The following PPP4R1 variants were observed in gnomAD, a reference collection of about 807,000 sequenced individuals.
PPP4R1 encodes the protein protein phosphatase 4 regulatory subunit 1.
Under a neutral mutation model 111.2 loss-of-function variants are expected in PPP4R1, and 42 were observed. The observed-to-expected ratio is 0.38, with a 90% CI of 0.29 to 0.49. PPP4R1 has a LOEUF of 0.49. PPP4R1 is among the 20% of genes least tolerant of loss of function. The probability of loss-of-function intolerance (pLI) is 0.97; values close to 1 mark genes in which losing one functional copy is unlikely to be tolerated. For synonymous variants in PPP4R1, 409 were observed against 405.5 expected (o/e 1.01, Z -0.10); for missense variants, 1,012 against 1,161.6 (o/e 0.87, Z 1.87).
intron 12 of PPP4R1, chr18:9,563,088 G>A: frequency 9.2e-7 from 1 of 1,086,988 alleles, no homozygotes; most frequent in Non-Finnish European, 1.1e-6. Context: ...CTTGATAAAG[G>A]GCTTTGTTTC....
chr18:9,557,329 A>G lies in PPP4R1; in HGVS notation c.2082T>C (p.Leu694=). 1.2e-6 allele frequency: 2 copies of G among 1,611,266 alleles called. No individual in the cohort carries two copies. Among genetic ancestry groups the G allele is most frequent in the South Asian group, 1.1e-5 (1 of 90,022 alleles). ...AFSIHELAVI[L]GDQLTAADLV... ...GATCTGCAGCTGTCAATTGATCTCCAAGAATAACTGCAAGCTCGTGGATGG... is the reference window on the plus strand; with the variant it reads ...GATCTGCAGCTGTCAATTGATCTCCGAGAATAACTGCAAGCTCGTGGATGG... The change falls in exon 15 of 20, where the codon CTT becomes CTC. Residue 694 remains leucine, a synonymous_variant. Coordinates refer to ENST00000400556, the MANE Select transcript of PPP4R1 (RefSeq NM_001042388.3).
chr18:9,592,111 A>T (rs1001793121), intron 4 of PPP4R1, among the ~76,000 whole-genome samples: 2 of 152,140 alleles, frequency 1.3e-5, no homozygotes, highest in Admixed American at 1.3e-4. Context: ...TCTTCCAATC[A>T]AGTCTTCTTG....
chr18:9,569,906 T>C (rs965210275), intron 11 of PPP4R1, among the ~76,000 whole-genome samples: 2 of 152,176 alleles, frequency 1.3e-5, no homozygotes, highest in South Asian at 2.1e-4. Flanking sequence ...TGTGCCACCA[T>C]GCCCGGCTAA....
rs752446269 is a variant in PPP4R1 at position 9,563,334 on chromosome 18, T to C, written c.1746+44A>G. 5.9e-6 allele frequency: 9 copies of C among 1,524,084 alleles called. No homozygotes were observed. In the Admixed American group the frequency reaches 1.7e-4, roughly 29 times the overall value. The allele number at this position is 1,524,084 out of a possible 1,614,324, so 94.4% of individuals were successfully genotyped here. A position where few individuals can be genotyped will look rare whatever the true frequency, so the allele number is the denominator to read the frequency against. On this transcript the variant is annotated intron_variant, in intron 12 of 19. Transcript: ENST00000400556. ...CTATTCCCCAATGAAAGACTTCTGA[T>C]TCAAACTACTCTCATTTGGTAAACA... is the stretch of plus-strand genomic sequence containing the variant.
At chr18:9,571,606 T>TG (rs764297114) in intron 10 of PPP4R1, among the ~76,000 whole-genome samples, 10 of 151,830 alleles carry the variant, frequency 6.6e-5, no homozygotes, top group Non-Finnish European at 1.3e-4. Context: ...CAGGAGGAGA[T>TG]GGGAGTGAAG....
intron 15 of PPP4R1, among the ~76,000 whole-genome samples, chr18:9,554,230 C>T (rs993788895): frequency 4.6e-5 from 7 of 151,360 alleles, no homozygotes; most frequent in South Asian, 2.1e-4. Context: ...CAGGTTCAAG[C>T]GATTCTCCTG....
Position 9,563,440 on chromosome 18 carries a change from C to T in PPP4R1, c.1684G>A (p.Glu562Lys). The change falls in exon 12 of 20, where the codon GAG becomes AAG. Residue 562 changes from glutamate to lysine, a missense_variant. Glu to Lys is a moderately conservative substitution (Grantham distance 56, BLOSUM62 1). This residue lies in a region of PPP4R1 where 707 missense variants were observed against 742.1 expected (regional missense o/e 0.95). Coordinates refer to ENST00000400556, the MANE Select transcript of PPP4R1 (RefSeq NM_001042388.3). The stretch of plus-strand genomic sequence containing the variant: ...TGATTTATTTTACAATTTGGTAGCT[C>T]ATTTATATCCAGTTCATCTTGCAAA... Reference protein sequence around the residue: ...SDLQDELDINELPNCKINQED... With the variant: ...SDLQDELDINKLPNCKINQED... 1 of 1,611,800 alleles carries T rather than the reference C, an allele frequency of 6.2e-7. No homozygotes were observed. The highest frequency in any genetic ancestry group is 1.1e-5 in the South Asian group (1 of 91,016).
chr18:9,563,363 T>C lies in PPP4R1; in HGVS notation c.1746+15A>G, dbSNP rs2066708932. 3.8e-6 allele frequency: 6 copies of C among 1,596,440 alleles called. No individual in the cohort carries two copies. The East Asian group carries it at 1.3e-4, about 36-fold the overall frequency. On this transcript the variant is annotated intron_variant, in intron 12 of 19. Transcript: ENST00000400556. ...AACTACTCTCATTTGGTAAACACTT[T>C]ACTGAGTTTGTTACCTCAACAGCAT...
At chr18:9,574,801 C>T (rs139469234) in intron 10 of PPP4R1, among the ~76,000 whole-genome samples, 2 of 152,330 alleles carry the variant, frequency 1.3e-5, no homozygotes, top group African/African-American at 4.8e-5. Flanking sequence ...GCATCTAAGA[C>T]AGCACTTTGT....
chr18:9,548,140 G>A (rs746518854), intron 19 of PPP4R1, among the ~76,000 whole-genome samples, 188 bp from the exon 20 acceptor site: 5 of 152,088 alleles, frequency 3.3e-5, no homozygotes, highest in Non-Finnish European at 7.4e-5. Flanking sequence ...AAAGAGTTAT[G>A]AGATTTATCT....
chr18:9,597,399 G>C (rs1321421368), intron 2 of PPP4R1, among the ~76,000 whole-genome samples: 1 of 152,224 alleles, frequency 6.6e-6, no homozygotes, highest in Non-Finnish European at 1.5e-5. Flanking sequence ...GAGTATCAGA[G>C]AGGAGGGACC....
At chr18:9,601,967 T>C (rs1361371033) in intron 2 of PPP4R1, among the ~76,000 whole-genome samples, 6 of 152,054 alleles carry the variant, frequency 3.9e-5, no homozygotes, top group Non-Finnish European at 8.8e-5. Context: ...TATGTTACAA[T>C]ACAAATAAAG....
rs933656543 is a variant in PPP4R1, at chr18:9,590,502, T to C, written c.296-1649A>G. ...TGAAGCAAAAGGAGGACACAAGTTA[T>C]GGTTTCAGTTAAAAATGAAATCAGC... On this transcript the variant is annotated intron_variant, in intron 4 of 19. Coordinates refer to ENST00000400556, the MANE Select transcript of PPP4R1 (RefSeq NM_001042388.3). 2.6e-5 allele frequency among the ~76,000 whole-genome samples: 4 copies of C among 152,214 alleles called. No homozygotes were observed. In the South Asian group the frequency reaches 8.3e-4, roughly 31 times the overall value.
intron 16 of PPP4R1, among the ~76,000 whole-genome samples, chr18:9,552,511 A>G (rs757401771): frequency 6.6e-6 from 1 of 152,246 alleles, no homozygotes; most frequent in Non-Finnish European, 1.5e-5. Context: ...AAAATTTAGT[A>G]GAAAAATAGG....
chr18:9,553,277 T>TA lies in PPP4R1; in HGVS notation c.2291+44dup, dbSNP rs750074451. The stretch of plus-strand genomic sequence containing the variant: ...TGAGAAAATGTAAAAATGAAGTAAA[T>TA]ATATACCCCTCCAAAACATAATCTA... On this transcript the variant is annotated intron_variant, in intron 16 of 19. Coordinates refer to ENST00000400556, the MANE Select transcript of PPP4R1 (RefSeq NM_001042388.3). The TA allele has an allele frequency of 2.2e-6, 3 of 1,387,170 alleles. No individual in the cohort carries two copies. The East Asian group carries it at 6.9e-5, about 32-fold the overall frequency. The allele number at this position is 1,387,170 out of a possible 1,614,324, so 85.9% of individuals were successfully genotyped here.
At chr18:9,586,840 T>C (rs926639977) in intron 6 of PPP4R1, among the ~76,000 whole-genome samples, 2 of 152,192 alleles carry the variant, frequency 1.3e-5, no homozygotes, top group African/African-American at 4.8e-5. Flanking sequence ...AGGAACCAGA[T>C]GTGAATCACA....
intron 9 of PPP4R1, among the ~76,000 whole-genome samples, chr18:9,578,201 C>T (rs979380354): frequency 3.3e-5 from 5 of 152,198 alleles, no homozygotes; most frequent in African/African-American, 1.2e-4. Flanking sequence ...GTTACTAAAA[C>T]CTTGACTTTG....
intron 2 of PPP4R1, 54 bp from the exon 3 acceptor site, chr18:9,595,207 C>G: frequency 6.4e-7 from 1 of 1,562,600 alleles, no homozygotes; most frequent in Non-Finnish European, 8.8e-7. Context: ...AAAATGTACC[C>G]CTTGCCTGTC....
At chr18:9,604,448 G>A (rs143610689) in intron 2 of PPP4R1, among the ~76,000 whole-genome samples, 63 of 152,100 alleles carry the variant, frequency 4.1e-4, no homozygotes, top group African/African-American at 1.4e-3. Flanking sequence ...GTAATTCAAG[G>A]GTGTCCAGGA....
Sources: gnomAD v4.1 joint callset for allele counts (sites outside exome capture counted in the v4.1 genomes callset) on GRCh38, gnomAD v4.1.1 for gene constraint, gnomAD v4.1.1 regional missense constraint, MANE v1.5 for transcripts, NCBI Gene and HGNC (gene_info 2026-07-23, HGNC 2026-07-21) for gene names.